USH2A: variants seen among roughly 807,000 people sequenced by gnomAD.
USH2A encodes the protein Usher syndrome 2A (autosomal recessive, mild).
A neutral mutation model predicts 538.9 loss-of-function variants in USH2A; 443 were observed. The ratio of observed to expected loss-of-function variants is 0.82; its 90% CI spans 0.76 to 0.89. The LOEUF (loss-of-function observed/expected upper bound fraction) is 0.89, where lower values mean the gene tolerates loss of function less well. Ranked by LOEUF, USH2A falls within the 40% of genes least tolerant of loss-of-function variation. The pLI is 0.00. For missense variants in USH2A, 6,633 were observed against 6,324.8 expected, an observed-to-expected ratio of 1.05 and a Z score of -1.65; for synonymous variants, 2,413 against 2,273.5, an observed-to-expected ratio of 1.06 and a Z score of -1.75.
chr1:216,162,239 G>A (rs114322659), intron 21 of USH2A, among the ~76,000 whole-genome samples: 2,070 of 151,654 alleles, frequency 0.014, 18 homozygotes, highest in Non-Finnish European at 0.022. Context: ...ACAATTGACC[G>A]TTGAGTTCTC....
chr1:215,876,771 C>T (rs960496199), intron 43 of USH2A, among the ~76,000 whole-genome samples: 7 of 152,192 alleles, frequency 4.6e-5, no homozygotes, highest in Non-Finnish European at 5.9e-5. Context: ...GGCAGATGAT[C>T]TAGTCAGGCA....
intron 64 of USH2A, among the ~76,000 whole-genome samples, chr1:215,658,253 C>CTT (rs375162910): frequency 6.8e-6 from 1 of 146,650 alleles, no homozygotes; most frequent in African/African-American, 2.5e-5. Context: ...TTATCACATA[C>CTT]TTTTTTTTTT....
intron 21 of USH2A, among the ~76,000 whole-genome samples, chr1:216,142,555 G>A (rs2033622170): frequency 6.6e-6 from 1 of 152,134 alleles, no homozygotes; most frequent in Non-Finnish European, 1.5e-5. Context: ...TATCTAATCT[G>A]GAGTGTGGGG....
chr1:215,629,685 T>C (rs1165452704), intron 70 of USH2A, among the ~76,000 whole-genome samples: 1 of 151,950 alleles, frequency 6.6e-6, no homozygotes, highest in Non-Finnish European at 1.5e-5. Flanking sequence ...GAACGCGCCG[T>C]AAGATAAACT....
At chr1:215,766,177 G>C (rs79664366) in intron 56 of USH2A, among the ~76,000 whole-genome samples, 3 of 152,120 alleles carry the variant, frequency 2.0e-5, no homozygotes, top group African/African-American at 4.8e-5. Flanking sequence ...GAAGTCATCT[G>C]CTCCATAAAG....
intron 35 of USH2A, among the ~76,000 whole-genome samples, chr1:215,973,261 C>T (rs1289571641): frequency 1.3e-5 from 2 of 152,058 alleles, no homozygotes; most frequent in East Asian, 3.9e-4. Flanking sequence ...CATAATATCT[C>T]ATTTATCTGA....
intron 44 of USH2A, among the ~76,000 whole-genome samples, chr1:215,856,531 C>A (rs568846608): frequency 6.6e-6 from 1 of 152,046 alleles, no homozygotes; most frequent in South Asian, 2.1e-4. Context: ...TGGCCATAAT[C>A]AAAAAACCAA....
At chr1:215,877,931 G>T (rs1364161018) in intron 42 of USH2A, 51 bp from the exon 43 acceptor site, 1 of 1,612,082 alleles carries the variant, frequency 6.2e-7, no homozygotes, top group East Asian at 2.2e-5. Context: ...CTCATATTGA[G>T]ATTACCAAAA....
At chr1:215,981,031 T>C (rs1667740542) in intron 35 of USH2A, among the ~76,000 whole-genome samples, 1 of 152,178 alleles carries the variant, frequency 6.6e-6, no homozygotes. Flanking sequence ...TGAAAGTATG[T>C]CAATTCTAGT....
chr1:215,752,110 T>A (rs1013686239), intron 58 of USH2A, among the ~76,000 whole-genome samples: 2 of 152,138 alleles, frequency 1.3e-5, no homozygotes, highest in African/African-American at 4.8e-5. Context: ...TCTTTGTGTG[T>A]ATGTCTCTGT....
intron 71 of USH2A, among the ~76,000 whole-genome samples, chr1:215,627,422 TTCCTTCCTTCCTTCCTTCC>T (rs1558027340): frequency 4.7e-4 from 57 of 122,488 alleles, no homozygotes; most frequent in South Asian, 1.8e-3. Context: ...CCTTCCTTCC[TTCCTTCCTTCCTTCCTTCC>T]TTCCTTCCTT....
chr1:215,862,828 T>C (rs1181849293), intron 44 of USH2A, among the ~76,000 whole-genome samples: 3 of 152,166 alleles, frequency 2.0e-5, no homozygotes, highest in African/African-American at 7.2e-5. Flanking sequence ...CAGGTTAAAT[T>C]CTAGGTCGTA....
Position 215,633,043 on chromosome 1 carries a change from C to A in USH2A, c.15297+1416G>T, listed in dbSNP as rs151065231. On this transcript the variant is annotated intron_variant, in intron 70 of 71. Transcript: ENST00000307340. The stretch of plus-strand genomic sequence containing the variant: ...CTTACCTTCTATTTCAGGAGTCAGA[C>A]AAACATATCTGACTTAGTGTTATGT... Among the ~76,000 whole-genome samples, 177 of 152,198 alleles carry A rather than the reference C, an allele frequency of 1.2e-3. 1 individual carries two copies. Among genetic ancestry groups the A allele is most frequent in the African/African-American group, 4.1e-3 (172 of 41,524 alleles).
chr1:216,084,937 A>T, intron 24 of USH2A, 60 bp from the exon 25 acceptor site: 2 of 1,549,898 alleles, frequency 1.3e-6, no homozygotes, highest in Non-Finnish European at 1.8e-6. Flanking sequence ...TCAAGCAATT[A>T]ATTTTATGTG....
rs141098637 is a variant in USH2A at position 215,782,900 on chromosome 1, T to A, written c.10423A>T (p.Arg3475Trp). ...NLKPYMTYEY[R>W]ISAWNSYGRG... ...CCATAGCTGTTCCAGGCAGAAATCC[T>A]GTACTCATATGTCATGTAGGGCTTG... Residue 3475 changes from arginine (R) to tryptophan (W), a missense_variant, in exon 53 of 72, where the codon AGG (arginine) becomes TGG (tryptophan). By Grantham distance (101) the Arg-to-Trp change is moderately radical (BLOSUM62 -3). Transcript: ENST00000307340. 1 of 1,613,788 alleles carries A rather than the reference T, an allele frequency of 6.2e-7. No homozygotes were observed. The highest frequency in any genetic ancestry group is 8.5e-7 in the Non-Finnish European group (1 of 1,179,854).
At chr1:215,966,008 ATTT>A (rs764186535) in intron 36 of USH2A, among the ~76,000 whole-genome samples, 2 of 151,434 alleles carry the variant, frequency 1.3e-5, no homozygotes, top group Non-Finnish European at 2.9e-5. Flanking sequence ...CACACGCAAA[ATTT>A]TTATGAGCTA....
chr1:215,832,405 C>T (rs893217226), intron 47 of USH2A, among the ~76,000 whole-genome samples: 6 of 151,768 alleles, frequency 4.0e-5, no homozygotes, highest in Non-Finnish European at 7.4e-5. Flanking sequence ...TATATTGCAT[C>T]CCCCAATATA....
At chr1:216,298,452 A>C (rs2037148272) in intron 9 of USH2A, among the ~76,000 whole-genome samples, 1 of 152,178 alleles carries the variant, frequency 6.6e-6, no homozygotes, top group Non-Finnish European at 1.5e-5. Flanking sequence ...ACTGGACTAA[A>C]TGCTGTATCA....
At chr1:215,892,169 A>G (rs1171727399) in intron 40 of USH2A, among the ~76,000 whole-genome samples, 4 of 152,148 alleles carry the variant, frequency 2.6e-5, no homozygotes, top group Non-Finnish European at 2.9e-5. Flanking sequence ...ATTTGTATAC[A>G]TGTGTATGAA....
Sources: allele counts gnomAD v4.1 joint callset (sites outside exome capture counted in the v4.1 genomes callset), GRCh38; gene constraint gnomAD v4.1.1; transcripts MANE v1.5; gene names NCBI Gene and HGNC (gene_info 2026-07-23, HGNC 2026-07-21).